The following SH3RF2 variants were observed in gnomAD, a reference collection of about 807,000 sequenced individuals.
The protein encoded by SH3RF2 is SH3 domain containing ring finger 2, also known as E3 ubiquitin-protein ligase SH3RF2.
Under a neutral mutation model 59.0 loss-of-function variants are expected in SH3RF2, and 43 were observed. The ratio of observed to expected loss-of-function variants is 0.73; its 90% CI spans 0.57 to 0.94. SH3RF2 has a LOEUF of 0.94. Among genes scored for constraint, SH3RF2 ranks in the 40% least tolerant of loss-of-function variants. The pLI, the probability that SH3RF2 is intolerant of heterozygous loss-of-function variation, is 0.00. For synonymous variants in SH3RF2, 391 were observed against 391.5 expected (o/e 1.00, Z 0.01); for missense variants, 930 against 940.1 (o/e 0.99, Z 0.14).
chr5:145,986,533 C>T (rs898595377), intron 2 of SH3RF2, among the ~76,000 whole-genome samples: 11 of 152,206 alleles, frequency 7.2e-5, no homozygotes, highest in African/African-American at 2.2e-4. Flanking sequence ...CAGGCTCCCA[C>T]GTACCCCTTG....
chr5:146,023,689 G>A (rs971682593), intron 5 of SH3RF2, among the ~76,000 whole-genome samples: 1 of 152,136 alleles, frequency 6.6e-6, no homozygotes, highest in Non-Finnish European at 1.5e-5. Flanking sequence ...CATCACCATA[G>A]TCAATTTTAA....
chr5:146,008,188 G>A lies in SH3RF2; in HGVS notation c.744+4035G>A, dbSNP rs553393807. 9.8e-5 allele frequency among the ~76,000 whole-genome samples: 15 copies of A among 152,320 alleles called. 3 individuals are homozygous for A. Among genetic ancestry groups the A allele is most frequent in the African/African-American group, 3.6e-4 (15 of 41,566 alleles). On this transcript the variant is annotated intron_variant, in intron 4 of 9. Transcript: ENST00000359120. ...GGTTATATGAACTTTGCTCAGCCCA[G>A]TGAGCCTCAACAATATTGTTTCAAA...
chr5:145,992,790 T>G (rs961546817), intron 2 of SH3RF2, among the ~76,000 whole-genome samples: 1 of 152,120 alleles, frequency 6.6e-6, no homozygotes, highest in African/African-American at 2.4e-5. Flanking sequence ...ATGTGGGAAT[T>G]CAAGATGAGA....
intron 5 of SH3RF2, among the ~76,000 whole-genome samples, chr5:146,017,425 G>T (rs1761145537): frequency 1.3e-5 from 2 of 152,118 alleles, no homozygotes; most frequent in Admixed American, 1.3e-4. Flanking sequence ...CTTGGTTCAG[G>T]ATGTGGATCC....
At chr5:145,996,166 C>G (rs1360864299) in intron 2 of SH3RF2, among the ~76,000 whole-genome samples, 1 of 152,168 alleles carries the variant, frequency 6.6e-6, no homozygotes, top group African/African-American at 2.4e-5. Context: ...CTAAGCTGCT[C>G]GGAATTCTTC....
At chr5:146,033,811 T>C (rs890495130) in intron 5 of SH3RF2, among the ~76,000 whole-genome samples, 1 of 152,122 alleles carries the variant, frequency 6.6e-6, no homozygotes, top group Non-Finnish European at 1.5e-5. Flanking sequence ...ACCCACGTTT[T>C]GTGGAAAAAG....
Position 146,013,847 on chromosome 5 carries a change from C to A in SH3RF2, c.845C>A (p.Thr282Lys), listed in dbSNP as rs375397305. 5 of 1,614,182 alleles carry A rather than the reference C, an allele frequency of 3.1e-6. No individual in the cohort carries two copies. Residue 282 changes from threonine (T) to lysine (K), a missense_variant, in exon 5 of 10, where the codon ACG (threonine) becomes AAG (lysine). Coordinates refer to ENST00000359120, the MANE Select transcript of SH3RF2 (RefSeq NM_152550.4). ...SLVSSSSRGNTSTLRRGPGSR... is the reference protein window; with the variant it reads ...SLVSSSSRGNKSTLRRGPGSR... The stretch of plus-strand genomic sequence containing the variant: ...GTGTCCTCGTCCTCCAGAGGCAACA[C>A]GTCTACCCTCCGTAGGGGCCCAGGG...
intron 6 of SH3RF2, 98 bp from the exon 7 acceptor site, chr5:146,048,977 C>T (rs1408373276): frequency 1.4e-6 from 2 of 1,425,544 alleles, no homozygotes; most frequent in Non-Finnish European, 1.9e-6. Flanking sequence ...GTTCTTATTG[C>T]TAACCACTGG....
At position 145,994,157 on chromosome 5, in the gene SH3RF2, C is replaced by T. The variant is rs561263850; in HGVS notation, c.379-5901C>T. On this transcript the variant is annotated intron_variant, in intron 2 of 9. Coordinates refer to ENST00000359120, the MANE Select transcript of SH3RF2 (RefSeq NM_152550.4). ...AACATAACAAGAGTCACCTTTGCTC[C>T]AGTTCCCAACAAGTTTCTCATCTCC... is the stretch of plus-strand genomic sequence containing the variant. Among the ~76,000 whole-genome samples, 89 of 152,322 alleles carry T rather than the reference C, an allele frequency of 5.8e-4. 2 individuals carry two copies. The South Asian group carries it at 0.018, about 31-fold the overall frequency.
intron 2 of SH3RF2, chr5:145,997,137 A>C (rs1331480460): frequency 1.5e-6 from 1 of 664,968 alleles, no homozygotes; most frequent in African/African-American, 1.8e-5. Flanking sequence ...ATCACCCAGC[A>C]ATGAATGAGA....
intron 2 of SH3RF2, among the ~76,000 whole-genome samples, chr5:145,989,917 G>A (rs1336141630): frequency 1.3e-5 from 2 of 152,032 alleles, no homozygotes; most frequent in Non-Finnish European, 2.9e-5. Context: ...ATAAACTCAG[G>A]GCTCACTGGC....
chr5:145,986,375 T>C, intron 2 of SH3RF2, among the ~76,000 whole-genome samples: 1 of 152,166 alleles, frequency 6.6e-6, no homozygotes, highest in East Asian at 1.9e-4. Flanking sequence ...CTGCATGGTG[T>C]ATTTGGCTCA....
In SH3RF2 at chr5:146,062,579, G is replaced by C. The variant is rs1412214834; in HGVS notation, c.2068G>C (p.Ala690Pro). The change falls in exon 10 of 10, where the codon GCC becomes CCC. Residue 690 changes from alanine to proline, a missense_variant. Coordinates refer to ENST00000359120, the MANE Select transcript of SH3RF2 (RefSeq NM_152550.4). ...GGGCCCAGAGATGACCGTCCTATTT[G>C]CCCACCGAAGTGGCTGCCACTCCGG... ...SLGPEMTVLFAHRSGCHSGQQ... is the reference protein window; with the variant it reads ...SLGPEMTVLFPHRSGCHSGQQ... 3 of 1,614,044 alleles carry C rather than the reference G, an allele frequency of 1.9e-6. No individual in the cohort carries two copies. Among genetic ancestry groups the C allele is most frequent in the African/African-American group, 2.7e-5 (2 of 74,924 alleles).
chr5:146,038,571 A>T (rs1762020746), intron 5 of SH3RF2, among the ~76,000 whole-genome samples: 1 of 152,240 alleles, frequency 6.6e-6, no homozygotes, highest in Admixed American at 6.5e-5. Context: ...TAACAGGAGC[A>T]ACTAAATTGT....
downstream of SH3RF2, among the ~76,000 whole-genome samples, chr5:146,065,865 C>T (rs1763090998): frequency 6.6e-6 from 1 of 152,234 alleles, no homozygotes; most frequent in Non-Finnish European, 1.5e-5. Context: ...CACTGTGTTG[C>T]CCAGGCTAGC....
intron 2 of SH3RF2, among the ~76,000 whole-genome samples, chr5:145,976,760 A>G (rs1251702904): frequency 6.6e-6 from 1 of 152,246 alleles, no homozygotes; most frequent in Non-Finnish European, 1.5e-5. Context: ...TGCATGCCTA[A>G]GCCATCGATT....
Position 146,047,752 on chromosome 5 carries a change from T to C in SH3RF2, c.1060-20T>C. ...GTGGCATTCATTGGTTCTGCTTGGC[T>C]GTCTTTTCTGTCTGTGCAGGTCAGC... is the stretch of plus-strand genomic sequence containing the variant. On this transcript the variant is annotated intron_variant, in intron 5 of 9. Coordinates refer to ENST00000359120, the MANE Select transcript of SH3RF2 (RefSeq NM_152550.4). 6.2e-7 allele frequency: 1 copy of C among 1,612,990 alleles called. No homozygotes were observed.
chr5:145,982,133 G>A (rs956104408), intron 2 of SH3RF2, among the ~76,000 whole-genome samples: 8 of 152,178 alleles, frequency 5.3e-5, no homozygotes, highest in Non-Finnish European at 7.3e-5. Flanking sequence ...GTGACAAAAG[G>A]TCAGCAGCTC....
At chr5:146,014,650 C>G (rs954317867) in intron 5 of SH3RF2, among the ~76,000 whole-genome samples, 2 of 152,162 alleles carry the variant, frequency 1.3e-5, no homozygotes, top group Non-Finnish European at 2.9e-5. Context: ...TTAAACCAAG[C>G]AAAGAGCCCT....
Sources: gnomAD v4.1 joint callset for allele counts (sites outside exome capture counted in the v4.1 genomes callset) on GRCh38, gnomAD v4.1.1 for gene constraint, MANE v1.5 for transcripts, NCBI Gene and HGNC (gene_info 2026-07-23, HGNC 2026-07-21) for gene names.